Variants in ERBIN observed in about 807,000 individuals in gnomAD.
ERBIN encodes the protein erbb2 interacting protein.
ERBIN carries 60 observed loss-of-function variants against 158.4 expected under a neutral mutation model. The ratio of observed to expected loss-of-function variants is 0.38; its 90% CI spans 0.31 to 0.47. ERBIN has a LOEUF of 0.47. Among genes scored for constraint, ERBIN ranks in the 20% least tolerant of loss-of-function variants. The probability of loss-of-function intolerance (pLI) is 0.99; values close to 1 mark genes in which losing one functional copy is unlikely to be tolerated. For synonymous variants in ERBIN, 594 were observed against 557.2 expected, an observed-to-expected ratio of 1.07 and a Z score of -0.93; for missense variants, 1,610 against 1,648.0, an observed-to-expected ratio of 0.98 and a Z score of 0.40.
chr5:65,931,823 T>C (rs116914085), intron 1 of ERBIN, among the ~76,000 whole-genome samples: 4,544 of 149,656 alleles, frequency 0.03, 251 homozygotes, highest in Admixed American at 0.14. Context: ...TTCTTTCTTT[T>C]TTTTTTTTTT....
chr5:66,024,179 C>G (rs1381170987), intron 9 of ERBIN, 127 bp from the exon 10 acceptor site: 19 of 619,138 alleles, frequency 3.1e-5, no homozygotes, highest in South Asian at 2.8e-4. Context: ...AAAAAACTAC[C>G]TGGGAGTCTT....
chr5:66,072,873 A>G (rs1468146710), intron 22 of ERBIN, among the ~76,000 whole-genome samples: 1 of 152,190 alleles, frequency 6.6e-6, no homozygotes, highest in Admixed American at 6.5e-5. Context: ...ATGACCAGAT[A>G]TAATTATGAA....
chr5:66,018,532 TTATATAA>T (rs1561381011), intron 7 of ERBIN, among the ~76,000 whole-genome samples: 57 of 4,892 alleles, frequency 0.012, 19 homozygotes, highest in African/African-American at 0.045. Context: ...ATATATTATA[TTATATAA>T]TATATATTAT....
rs561314284 is a variant in ERBIN at position 65,981,774 on chromosome 5, T to G, written c.-57-6861T>G. 1.8e-4 allele frequency among the ~76,000 whole-genome samples: 28 copies of G among 152,318 alleles called. No homozygotes were observed. The South Asian group carries it at 5.4e-3, about 29-fold the overall frequency. On this transcript the variant is annotated intron_variant, in intron 1 of 25. Transcript: ENST00000284037. Reference sequence around the variant, plus strand: ...GTGAATCAGCATGTGGTCTTTTATCTCAGGCTTCTTTGTGGCATTGTATTC... The same window carrying G: ...GTGAATCAGCATGTGGTCTTTTATCGCAGGCTTCTTTGTGGCATTGTATTC...
At chr5:65,974,452 G>T (rs139231128) in intron 1 of ERBIN, among the ~76,000 whole-genome samples, 1 of 152,246 alleles carries the variant, frequency 6.6e-6, no homozygotes, top group East Asian at 1.9e-4. Context: ...AAAAGCTCAC[G>T]TCTCATCCTA....
At chr5:66,034,815 G>A (rs1395646621) in intron 14 of ERBIN, among the ~76,000 whole-genome samples, 1 of 152,168 alleles carries the variant, frequency 6.6e-6, no homozygotes, top group Non-Finnish European at 1.5e-5. Flanking sequence ...ATTTTGGGCT[G>A]TAGTTTTGCC....
In ERBIN at chr5:65,936,309, T is replaced by G. The variant is rs530721772; in HGVS notation, c.-58+9503T>G. Among the ~76,000 whole-genome samples, 3 of 152,322 alleles carry G rather than the reference T, an allele frequency of 2.0e-5. 1 individual carries two copies. Among genetic ancestry groups the G allele is most frequent in the African/African-American group, 7.2e-5 (3 of 41,564 alleles). Reference sequence around the variant, plus strand: ...TTCCTTATAGATTTTGGAAGTGATTTAAGAGGCATATCCTTTGAGACTAGA... The same window carrying G: ...TTCCTTATAGATTTTGGAAGTGATTGAAGAGGCATATCCTTTGAGACTAGA... On this transcript the variant is annotated intron_variant, in intron 1 of 25. Coordinates refer to ENST00000284037, the MANE Select transcript of ERBIN (RefSeq NM_001253697.2).
At chr5:66,032,507 C>G (rs1025833088) in intron 14 of ERBIN, among the ~76,000 whole-genome samples, 5 of 152,102 alleles carry the variant, frequency 3.3e-5, no homozygotes, top group African/African-American at 1.2e-4. Context: ...TAGTCATGAT[C>G]AATTATTCAT....
intron 19 of ERBIN, 76 bp downstream of exon 19, chr5:66,048,857 T>C (rs1758738028): frequency 1.2e-6 from 1 of 831,890 alleles, no homozygotes; most frequent in Non-Finnish European, 1.8e-6. Context: ...ATAAATTTCA[T>C]TGAATATTAT....
chr5:66,080,939 AAAATT>A lies in ERBIN; in HGVS notation c.*2414_*2418del, dbSNP rs1340286319. On this transcript the variant is annotated 3_prime_UTR_variant, in exon 26 of 26. Coordinates refer to ENST00000284037, the MANE Select transcript of ERBIN (RefSeq NM_001253697.2). ...TTTTCTTTGAAAGTATTGGAAAACT[AAAATT>A]AAATGACAAGGACTTTGAATTAGAA... 6.6e-6 allele frequency: 1 copy of A among 152,086 alleles called. No individual in the cohort carries two copies. Among genetic ancestry groups the A allele is most frequent in the African/African-American group, 2.4e-5 (1 of 41,462 alleles). 9.4% of individuals were successfully genotyped at this position (152,086 alleles called of 1,614,324 possible).
At position 66,028,256 on chromosome 5, in the gene ERBIN, T is replaced by C; in HGVS notation, c.1137-18T>C. On this transcript the variant is annotated intron_variant, in intron 13 of 25. Transcript: ENST00000284037. ...CTCATTTTAAAGTTTAATTTTTGTTTGTATTTTTTTCCTACAGATTAAAGA... is the reference window on the plus strand; with the variant it reads ...CTCATTTTAAAGTTTAATTTTTGTTCGTATTTTTTTCCTACAGATTAAAGA... The C allele has an allele frequency of 1.3e-6, 2 of 1,583,850 alleles. No homozygotes were observed. The highest frequency in any genetic ancestry group is 1.7e-5 in the Admixed American group (1 of 58,420).
At chr5:66,069,444 C>G (rs191822848) in intron 21 of ERBIN, among the ~76,000 whole-genome samples, 148 of 152,308 alleles carry the variant, frequency 9.7e-4, no homozygotes, top group Non-Finnish European at 1.3e-3. Context: ...CTACCCTGAA[C>G]TAATGTTAAT....
At chr5:65,966,256 C>T (rs868730821) in intron 1 of ERBIN, among the ~76,000 whole-genome samples, 1 of 152,212 alleles carries the variant, frequency 6.6e-6, no homozygotes, top group Non-Finnish European at 1.5e-5. Flanking sequence ...ACTTTCTGCA[C>T]TGCCAGTTGT....
intron 1 of ERBIN, among the ~76,000 whole-genome samples, chr5:65,935,891 A>G (rs1019759487): frequency 1.3e-5 from 2 of 151,920 alleles, no homozygotes; most frequent in African/African-American, 4.8e-5. Flanking sequence ...CGCCCAGCTA[A>G]TTTTTCTATT....
intron 4 of ERBIN, among the ~76,000 whole-genome samples, chr5:66,010,026 TA>T (rs1404027597): frequency 6.6e-6 from 1 of 152,228 alleles, no homozygotes; most frequent in African/African-American, 2.4e-5. Context: ...CCATAGTGGG[TA>T]TATCAGTTTG....
chr5:66,071,495 T>C (rs2151297689), intron 21 of ERBIN, among the ~76,000 whole-genome samples: 1 of 152,316 alleles, frequency 6.6e-6, no homozygotes, highest in African/African-American at 2.4e-5. Flanking sequence ...TATTAACCAG[T>C]TAATTGGTTT....
chr5:65,977,783 C>T (rs1260474065), intron 1 of ERBIN, among the ~76,000 whole-genome samples: 1 of 152,222 alleles, frequency 6.6e-6, no homozygotes, highest in African/African-American at 2.4e-5. Flanking sequence ...GCAATCTCGG[C>T]ACTTCGGGAG....
chr5:66,069,391 A>C (rs947612633), intron 21 of ERBIN, among the ~76,000 whole-genome samples: 1 of 152,232 alleles, frequency 6.6e-6, no homozygotes, highest in African/African-American at 2.4e-5. Flanking sequence ...ACAGGGAGGA[A>C]TAATTTTAAC....
chr5:65,929,657 T>TTTTTTTTTTTTTTTTC (rs1561255174), intron 1 of ERBIN, among the ~76,000 whole-genome samples: 1 of 141,428 alleles, frequency 7.1e-6, no homozygotes, highest in Non-Finnish European at 1.5e-5. Flanking sequence ...TTTTTTTTTT[T>TTTTTTTTTTTTTTTTC]CGAGATGGAG....
Sources: gnomAD v4.1 joint callset for allele counts (sites outside exome capture counted in the v4.1 genomes callset) on GRCh38, gnomAD v4.1.1 for gene constraint, MANE v1.5 for transcripts, NCBI Gene and HGNC (gene_info 2026-07-23, HGNC 2026-07-21) for gene names.